The following NOP9 variants were observed in gnomAD, a reference collection of about 807,000 sequenced individuals.
NOP9 encodes NOP9 nucleolar protein.
A neutral mutation model predicts 63.0 loss-of-function variants in NOP9; 50 were observed. The ratio of observed to expected loss-of-function variants is 0.79; its 90% CI spans 0.63 to 1.00. The LOEUF is 1.00. Ranked by LOEUF, NOP9 falls within the 50% of genes least tolerant of loss-of-function variation. The pLI is 0.00. For missense variants in NOP9, 758 were observed against 803.0 expected, an observed-to-expected ratio of 0.94 and a Z score of 0.68; for synonymous variants, 343 against 332.8, an observed-to-expected ratio of 1.03 and a Z score of -0.33.
At chr14:24,304,854 C>T in intron 9 of NOP9, 84 bp from the exon 10 acceptor site, 1 of 1,432,338 alleles carries the variant, frequency 7.0e-7, no homozygotes, top group Non-Finnish European at 9.3e-7. Context: ...GTCCCAGGGT[C>T]TGGGGGAAAT....
At chr14:24,302,646 T>C (rs1033365053) in intron 5 of NOP9, among the ~76,000 whole-genome samples, 2 of 152,230 alleles carry the variant, frequency 1.3e-5, no homozygotes, top group African/African-American at 4.8e-5. Flanking sequence ...AAACTGGCTT[T>C]ATTCAGGTTT....
the NOP9 span, chr14:24,294,266 A>T: frequency 2.0e-5 from 3 of 152,118 alleles, no homozygotes; most frequent in African/African-American, 7.2e-5. Flanking sequence ...ACAAATACAA[A>T]GATACATGTA....
the NOP9 span, among the ~76,000 whole-genome samples, chr14:24,277,636 A>C: frequency 1.3e-5 from 2 of 152,258 alleles, no homozygotes; most frequent in Non-Finnish European, 2.9e-5. Context: ...CCGAGGCCGC[A>C]CAGCCAGAAG....
rs1293087822 is a variant in NOP9, at chr14:24,306,228, G to A, written c.*1133G>A. On this transcript the variant is annotated 3_prime_UTR_variant, in exon 10 of 10. Transcript: ENST00000267425. ...CACTGGGTCAGACCCTCCCTCGCTTGGACTTTCTGTCCACTGTGTGACATC... is the reference window on the plus strand; with the variant it reads ...CACTGGGTCAGACCCTCCCTCGCTTAGACTTTCTGTCCACTGTGTGACATC... 8 of 1,525,760 alleles carry A rather than the reference G, an allele frequency of 5.2e-6. No individual in the cohort carries two copies. The African/African-American group carries it at 6.8e-5, about 13-fold the overall frequency. The allele number at this position is 1,525,760 out of a possible 1,614,324, so 94.5% of individuals were successfully genotyped here.
At chr14:24,283,659 CAGAG>C in the NOP9 span, among the ~76,000 whole-genome samples, 1 of 152,184 alleles carries the variant, frequency 6.6e-6, no homozygotes, top group African/African-American at 2.4e-5. Flanking sequence ...CAGCCAGAGA[CAGAG>C]AGACAGCTGG....
the NOP9 span, chr14:24,271,468 C>G: frequency 4.6e-6 from 1 of 216,320 alleles, no homozygotes; most frequent in South Asian, 1.7e-4. Context: ...GCACCCCCGC[C>G]CCCCGCGGGC....
intron 8 of NOP9, 76 bp from the exon 9 acceptor site, chr14:24,304,417 A>G (rs2041439038): frequency 7.1e-7 from 1 of 1,409,038 alleles, no homozygotes; most frequent in Non-Finnish European, 9.8e-7. Context: ...CTCTTCAGAA[A>G]ATTCACTCTC....
the NOP9 span, among the ~76,000 whole-genome samples, chr14:24,275,673 G>T: frequency 5.3e-5 from 8 of 152,248 alleles, no homozygotes; most frequent in East Asian, 1.5e-3. Flanking sequence ...CTGGGTCAGG[G>T]CCCTGGGCCA....
chr14:24,306,426 T>C lies in NOP9; in HGVS notation c.*1331T>C. 6.2e-7 allele frequency: 1 copy of C among 1,614,222 alleles called. No homozygotes were observed. The highest frequency in any genetic ancestry group is 8.5e-7 in the Non-Finnish European group (1 of 1,180,040). ...CTGCAACACCATCAGGCACGTGTCA[T>C]CCTCCAGCAGCTGGAAGAAGTCCTC... is the stretch of plus-strand genomic sequence containing the variant. On this transcript the variant is annotated 3_prime_UTR_variant, in exon 10 of 10. Transcript: ENST00000267425.
the NOP9 span, among the ~76,000 whole-genome samples, chr14:24,276,114 G>C: frequency 4.0e-3 from 610 of 152,052 alleles, no homozygotes; most frequent in African/African-American, 0.014. Context: ...TAATGCTGTA[G>C]TGCTGTAGTC....
chr14:24,280,251 C>G, the NOP9 span, among the ~76,000 whole-genome samples: 1 of 152,186 alleles, frequency 6.6e-6, no homozygotes, highest in Non-Finnish European at 1.5e-5. Flanking sequence ...AACTGCTCTG[C>G]CTTTATGGAG....
At position 24,308,144 on chromosome 14, in the gene NOP9, A is replaced by C; in HGVS notation, c.*3049A>C. On this transcript the variant is annotated 3_prime_UTR_variant, in exon 10 of 10. Coordinates refer to ENST00000267425, the MANE Select transcript of NOP9 (RefSeq NM_174913.3). ...GTGATGACATGTGTTGTGAGGGTAG[A>C]TGGGAACCATGTAAAAGGATGAAAT... is the stretch of plus-strand genomic sequence containing the variant. The C allele has an allele frequency of 2.9e-5, 14 of 479,604 alleles. No homozygotes were observed. Among genetic ancestry groups the C allele is most frequent in the African/African-American group, 3.9e-5 (2 of 51,270 alleles). 29.7% of individuals were successfully genotyped at this position (479,604 alleles called of 1,614,324 possible).
At chr14:24,274,610 A>G in the NOP9 span, among the ~76,000 whole-genome samples, 1 of 145,256 alleles carries the variant, frequency 6.9e-6, no homozygotes, top group African/African-American at 2.5e-5. Flanking sequence ...GAGAGCCACA[A>G]TCTTTTTTTT....
At chr14:24,285,910 A>G in the NOP9 span, among the ~76,000 whole-genome samples, 6 of 151,800 alleles carry the variant, frequency 4.0e-5, 1 homozygote, top group Admixed American at 2.0e-4. Flanking sequence ...AATTGCTTGA[A>G]CCCAGGAGGT....
chr14:24,292,952 G>A, the NOP9 span: 2 of 748,510 alleles, frequency 2.7e-6, no homozygotes, highest in South Asian at 2.4e-5. Flanking sequence ...TATTCTGAGA[G>A]GAAAACTGGT....
At chr14:24,298,130 C>G (rs781576131), upstream of NOP9, among the ~76,000 whole-genome samples, 1 of 152,180 alleles carries the variant, frequency 6.6e-6, no homozygotes, top group Non-Finnish European at 1.5e-5. Context: ...ACTGCAACCT[C>G]GAACTCCTGG....
At chr14:24,291,946 C>T in the NOP9 span, 5 of 615,348 alleles carry the variant, frequency 8.1e-6, no homozygotes, top group Admixed American at 5.9e-5. Flanking sequence ...ACAGCCTTTC[C>T]ACTTAGGACA....
At chr14:24,297,300 C>A (rs1173908158), upstream of NOP9, among the ~76,000 whole-genome samples, 2 of 152,112 alleles carry the variant, frequency 1.3e-5, no homozygotes, top group African/African-American at 4.8e-5. Flanking sequence ...TCTACTCAGT[C>A]CCAGTTGTCT....
At chr14:24,296,698 G>A (rs774966600), upstream of NOP9, 56 of 1,614,072 alleles carry the variant, frequency 3.5e-5, 1 homozygote, top group Non-Finnish European at 4.3e-5. Flanking sequence ...CTGAGGGGGA[G>A]GTCAGAAATG....
Sources: allele counts gnomAD v4.1 joint callset (sites outside exome capture counted in the v4.1 genomes callset), GRCh38; gene constraint gnomAD v4.1.1; transcripts MANE v1.5; gene names NCBI Gene and HGNC (gene_info 2026-07-23, HGNC 2026-07-21).